Variants in ZRANB2 observed in about 807,000 individuals in gnomAD.
ZRANB2 encodes the protein zinc finger Ran-binding domain-containing protein 2.
In ZRANB2, 19 loss-of-function variants were observed where a neutral mutation model predicts 53.4. The observed-to-expected ratio is 0.36, with a 90% CI of 0.25 to 0.52. The LOEUF is 0.52. Among genes scored for constraint, ZRANB2 ranks in the 20% least tolerant of loss-of-function variants. The pLI is 0.93. For missense variants in ZRANB2, 309 were observed against 401.1 expected, an observed-to-expected ratio of 0.77 and a Z score of 1.96; for synonymous variants, 145 against 134.8, an observed-to-expected ratio of 1.08 and a Z score of -0.52.
chr1:71,080,826 C>G, intron 1 of ZRANB2, 114 bp downstream of exon 1: 2 of 1,253,174 alleles, frequency 1.6e-6, no homozygotes, highest in Non-Finnish European at 2.3e-6. Context: ...GGCGGTTCGC[C>G]GCCTCAACCC....
At chr1:71,080,693 T>C (rs1257058117) in intron 1 of ZRANB2, among the ~76,000 whole-genome samples, 1 of 151,942 alleles carries the variant, frequency 6.6e-6, no homozygotes, top group Non-Finnish European at 1.5e-5. Context: ...TCTCGCACTC[T>C]AAAAAGAGAG....
intron 6 of ZRANB2, among the ~76,000 whole-genome samples, chr1:71,071,870 C>T (rs996121706): frequency 6.6e-6 from 1 of 152,096 alleles, no homozygotes; most frequent in African/African-American, 2.4e-5. Flanking sequence ...ATCAAAATTA[C>T]CTATTTATAT....
In ZRANB2 at chr1:71,063,752, A is replaced by G. The variant is rs1017367707; in HGVS notation, c.*1322T>C. On this transcript the variant is annotated 3_prime_UTR_variant, in exon 10 of 10. Coordinates refer to ENST00000370920, the MANE Select transcript of ZRANB2 (RefSeq NM_203350.3). ...ATTTTTAGATCAGCTGAAGAGAAAA[A>G]CATTCACTTTAAAGTAAAAACATAT... The G allele has an allele frequency of 2.6e-5, 4 of 152,392 alleles. No individual in the cohort carries two copies. The highest frequency in any genetic ancestry group is 5.9e-5 in the Non-Finnish European group (4 of 67,862). The allele number at this position is 152,392 out of a possible 1,614,324, so 9.4% of individuals were successfully genotyped here.
At chr1:71,067,984 C>T (rs575815158) in intron 8 of ZRANB2, among the ~76,000 whole-genome samples, 2 of 151,846 alleles carry the variant, frequency 1.3e-5, no homozygotes, top group African/African-American at 2.4e-5. Flanking sequence ...TCCAGTGATC[C>T]TTCCACCTCA....
At chr1:71,072,622 CA>C (rs1299208425) in intron 4 of ZRANB2, 74 bp from the exon 5 acceptor site, 5 of 1,159,408 alleles carry the variant, frequency 4.3e-6, no homozygotes, top group Non-Finnish European at 6.2e-6. Flanking sequence ...CCCAAATCTC[CA>C]GACAACAAAA....
chr1:71,075,804 G>T (rs1050928443), intron 4 of ZRANB2, among the ~76,000 whole-genome samples: 1 of 151,828 alleles, frequency 6.6e-6, no homozygotes, highest in African/African-American at 2.4e-5. Flanking sequence ...TAAGAATAAG[G>T]CAGGATTTGA....
intron 7 of ZRANB2, 126 bp downstream of exon 7, chr1:71,070,701 T>C (rs1661575544): frequency 3.4e-6 from 2 of 585,142 alleles, no homozygotes; most frequent in Non-Finnish European, 5.6e-6. Flanking sequence ...ATTTTAAAAG[T>C]TGATTTGAAT....
Position 71,076,649 on chromosome 1 carries a change from G to A in ZRANB2, c.301+146C>T, listed in dbSNP as rs1661716800. 4.6e-6 allele frequency: 3 copies of A among 659,204 alleles called. No homozygotes were observed. In the East Asian group the frequency reaches 8.6e-5, roughly 19 times the overall value. The allele number at this position is 659,204 out of a possible 1,614,324, so 40.8% of individuals were successfully genotyped here. On this transcript the variant is annotated intron_variant, in intron 4 of 9. Transcript: ENST00000370920. ...AAAAGATTTGTATGTGTGTATGGGG[G>A]GAAAAAAATCCCAGTAACAAACATT...
intron 6 of ZRANB2, 36 bp downstream of exon 6, chr1:71,072,084 TA>T (rs1176126185): frequency 6.3e-7 from 1 of 1,594,546 alleles, no homozygotes; most frequent in African/African-American, 1.4e-5. Context: ...ATAACTCCAA[TA>T]AGACAAAAGG....
At chr1:71,069,132 A>C (rs1661537561) in intron 8 of ZRANB2, 144 bp downstream of exon 8, 1 of 574,246 alleles carries the variant, frequency 1.7e-6, no homozygotes, top group South Asian at 2.6e-5. Context: ...TGAGAAAATT[A>C]AGCTGAGGCA....
At chr1:71,079,058 A>G (rs1359727747) in intron 1 of ZRANB2, among the ~76,000 whole-genome samples, 3 of 152,184 alleles carry the variant, frequency 2.0e-5, no homozygotes, top group African/African-American at 7.2e-5. Context: ...CTTACAAGCT[A>G]CCAGGGAGTT....
rs774713660 is a variant in ZRANB2, at chr1:71,066,874, T to A, written c.831A>T (p.Ser277=). The change falls in exon 9 of 10, where the codon TCA becomes TCT. Residue 277 remains serine, a synonymous_variant. Transcript: ENST00000370920. ...SSPRKRSYSS[S]SSSPERNRKR... ...TTCTGTTCCTCTCAGGAGAAGATGA[T>A]GAACTTGAATAAGATCTTTTTCGTG... 1.5e-5 allele frequency: 24 copies of A among 1,611,208 alleles called. No individual in the cohort carries two copies. The highest frequency in any genetic ancestry group is 1.9e-5 in the Non-Finnish European group (22 of 1,179,002).
chr1:71,076,136 T>C (rs1364138862), intron 4 of ZRANB2, among the ~76,000 whole-genome samples: 1 of 152,076 alleles, frequency 6.6e-6, no homozygotes, highest in Non-Finnish European at 1.5e-5. Flanking sequence ...AAAGACAAAA[T>C]CAGATTTTAA....
In ZRANB2 at chr1:71,070,950, G is replaced by T; in HGVS notation, c.560C>A (p.Ala187Asp). 11 of 1,607,796 alleles carry T rather than the reference G, an allele frequency of 6.8e-6. No individual in the cohort carries two copies. Among genetic ancestry groups the T allele is most frequent in the Non-Finnish European group, 8.5e-6 (10 of 1,177,346 alleles). ...DADLSKYNLD[A>D]SEEEDSNKKK... ...TTTATTACTATCTTCTTCTTCACTG[G>T]CATCAAGATTATATTTTGAGAGATC... The change falls in exon 7 of 10, where the codon GCC becomes GAC. Residue 187 changes from alanine (A) to aspartate (D), a missense_variant. Ala to Asp is a moderately radical substitution (Grantham distance 126). Around this residue, in one of 3 missense-constraint regions of ZRANB2, gnomAD observed 211 missense variants for 196.1 expected, o/e 1.08. Coordinates refer to ENST00000370920, the MANE Select transcript of ZRANB2 (RefSeq NM_203350.3).
At chr1:71,080,757 G>A (rs897860477) in intron 1 of ZRANB2, among the ~76,000 whole-genome samples, 183 bp downstream of exon 1, 5 of 152,158 alleles carry the variant, frequency 3.3e-5, no homozygotes, top group African/African-American at 9.7e-5. Context: ...CTAGAACAAA[G>A]GCTCCCGGAA....
intron 8 of ZRANB2, 56 bp from the exon 9 acceptor site, chr1:71,066,990 T>C: frequency 1.3e-6 from 2 of 1,485,744 alleles, no homozygotes; most frequent in Non-Finnish European, 1.8e-6. Flanking sequence ...ATAAGGAAGA[T>C]TATTTAGTTA....
At chr1:71,078,304 A>G (rs1038338780) in intron 3 of ZRANB2, among the ~76,000 whole-genome samples, 153 bp downstream of exon 3, 1 of 152,218 alleles carries the variant, frequency 6.6e-6, no homozygotes, top group African/African-American at 2.4e-5. Context: ...ACTTCTTTAT[A>G]CTATACTTAA....
intron 8 of ZRANB2, chr1:71,067,466 AAACT>A (rs562338409): frequency 1.8e-4 from 52 of 286,592 alleles, no homozygotes; most frequent in Middle Eastern, 1.3e-3. Flanking sequence ...GAAGAAATAA[AAACT>A]AACTTTAAGA....
intron 4 of ZRANB2, among the ~76,000 whole-genome samples, chr1:71,073,641 C>T (rs778989915): frequency 1.3e-5 from 2 of 151,772 alleles, no homozygotes; most frequent in Non-Finnish European, 2.9e-5. Flanking sequence ...TATTTTTAAA[C>T]ATACGTGGGA....
Sources: gnomAD v4.1 joint callset for allele counts (sites outside exome capture counted in the v4.1 genomes callset) on GRCh38, gnomAD v4.1.1 for gene constraint, gnomAD v4.1.1 regional missense constraint, MANE v1.5 for transcripts, NCBI Gene and HGNC (gene_info 2026-07-23, HGNC 2026-07-21) for gene names.